Variants in PLXNC1 observed in about 807,000 individuals in gnomAD.
PLXNC1 encodes the protein plexin-C1.
In PLXNC1, 75 loss-of-function variants were observed where a neutral mutation model predicts 178.2. That is an observed-to-expected ratio of 0.42 (90% CI 0.35 to 0.51). The LOEUF (loss-of-function observed/expected upper bound fraction) is 0.51, where lower values mean the gene tolerates loss of function less well. Ranked by LOEUF, PLXNC1 falls within the 20% of genes least tolerant of loss-of-function variation. The pLI, the probability that PLXNC1 is intolerant of heterozygous loss-of-function variation, is 0.02. For missense variants in PLXNC1, 1,503 were observed against 1,984.4 expected (o/e 0.76, Z 4.61); for synonymous variants, 790 against 779.9 (o/e 1.01, Z -0.22).
At chr12:94,275,441 A>G (rs566451124) in intron 21 of PLXNC1, among the ~76,000 whole-genome samples, 2 of 152,304 alleles carry the variant, frequency 1.3e-5, no homozygotes, top group East Asian at 3.9e-4. Context: ...ACGCTGTCTG[A>G]CATGGCACAG....
At chr12:94,164,144 A>G (rs1961500819) in intron 1 of PLXNC1, among the ~76,000 whole-genome samples, 1 of 152,142 alleles carries the variant, frequency 6.6e-6, no homozygotes, top group Non-Finnish European at 1.5e-5. Flanking sequence ...CCTAATGGCA[A>G]GTGGGCCCCT....
intron 23 of PLXNC1, among the ~76,000 whole-genome samples, chr12:94,289,693 T>C (rs1967082022): frequency 6.6e-6 from 1 of 152,210 alleles, no homozygotes; most frequent in South Asian, 2.1e-4. Context: ...CAGCAGCAGC[T>C]GACTTGTGCT....
chr12:94,242,928 T>G (rs1231871608), intron 11 of PLXNC1, among the ~76,000 whole-genome samples: 1 of 152,224 alleles, frequency 6.6e-6, no homozygotes, highest in Admixed American at 6.5e-5. Context: ...AGCAGTATCC[T>G]GCTTTGCTAT....
At chr12:94,237,859 A>G in intron 10 of PLXNC1, 56 bp downstream of exon 10, 1 of 1,570,084 alleles carries the variant, frequency 6.4e-7, no homozygotes. Flanking sequence ...AACCTGTGCC[A>G]AAGGAATATC....
rs1236723869 is a variant in PLXNC1, at chr12:94,237,736, G to A, written c.2053G>A (p.Ala685Thr). 2 of 1,613,934 alleles carry A rather than the reference G, an allele frequency of 1.2e-6. No individual in the cohort carries two copies. The highest frequency in any genetic ancestry group is 8.5e-7 in the Non-Finnish European group (1 of 1,179,882). The stretch of plus-strand genomic sequence containing the variant: ...GAAAAGCAACGTGATAGTAACGGGA[G>A]CAAACTTTACCCGGGCATCGAACAT... ...LGKSNVIVTGANFTRASNITM... is the reference protein window; with the variant it reads ...LGKSNVIVTGTNFTRASNITM... The change falls in exon 10 of 31, where the codon GCA (alanine) becomes ACA (threonine). Residue 685 changes from alanine (A) to threonine (T), a missense_variant. This residue lies in a region of PLXNC1 where 615 missense variants were observed against 698.6 expected (regional missense o/e 0.88). Coordinates refer to ENST00000258526, the MANE Select transcript of PLXNC1 (RefSeq NM_005761.3).
intron 22 of PLXNC1, 159 bp downstream of exon 22, chr12:94,279,808 C>A: frequency 1.4e-6 from 1 of 730,158 alleles, no homozygotes; most frequent in Non-Finnish European, 2.5e-6. Context: ...GGCCAAGAGA[C>A]TGCTTTGGTC....
Position 94,244,137 on chromosome 12 carries a change from CT to C in PLXNC1, c.2388+116del, listed in dbSNP as rs1964466060. The C allele has an allele frequency of 5.4e-6, 3 of 553,982 alleles. No homozygotes were observed. The South Asian group carries it at 8.1e-5, about 15-fold the overall frequency. 34.3% of individuals were successfully genotyped at this position (553,982 alleles called of 1,614,324 possible). A position where few individuals can be genotyped will look rare whatever the true frequency, so the allele number is the denominator to read the frequency against. On this transcript the variant is annotated intron_variant, in intron 12 of 30. Coordinates refer to ENST00000258526, the MANE Select transcript of PLXNC1 (RefSeq NM_005761.3). ...GTTTCTGTGACTTTGGTGTTATAAA[CT>C]TTTACCTATGCTATCATATATTCTA... is the stretch of plus-strand genomic sequence containing the variant.
rs1426700119 is a variant in PLXNC1 at position 94,307,351 on chromosome 12, C to A, written c.*2066C>A. 1 of 152,208 alleles carries A rather than the reference C, an allele frequency of 6.6e-6. No individual in the cohort carries two copies. The highest frequency in any genetic ancestry group is 1.5e-5 in the Non-Finnish European group (1 of 68,034). The allele number at this position is 152,208 out of a possible 1,614,324, so 9.4% of individuals were successfully genotyped here. On this transcript the variant is annotated 3_prime_UTR_variant, in exon 31 of 31. Transcript: ENST00000258526. ...GCACTATCTAGATCACATTTTGGAT[C>A]ACATTAGCCAAATGCAGTAAATGGC... is the stretch of plus-strand genomic sequence containing the variant.
At chr12:94,228,193 G>A (rs995248890) in intron 9 of PLXNC1, among the ~76,000 whole-genome samples, 5 of 152,320 alleles carry the variant, frequency 3.3e-5, no homozygotes, top group South Asian at 2.1e-4. Context: ...TGGATATGAA[G>A]TTAATTAAAG....
Position 94,240,680 on chromosome 12 carries a change from A to G in PLXNC1, c.2300+16A>G, listed in dbSNP as rs1433663339. 3 of 1,586,562 alleles carry G rather than the reference A, an allele frequency of 1.9e-6. No homozygotes were observed. The Admixed American group carries it at 5.2e-5, about 27-fold the overall frequency. ...CCTGGATCAGGTACTTTCTAGATTC[A>G]TAATCTTTTTCTCATTGTGGTTAAA... On this transcript the variant is annotated intron_variant, in intron 11 of 30. Transcript: ENST00000258526.
chr12:94,173,862 G>A lies in PLXNC1; in HGVS notation c.1203+4569G>A, dbSNP rs181486587. ...GATGGCTTCCTGGCAACCCAGCTGA[G>A]TGCAGAGCCCGCTCCTCTCTGAGCT... is the stretch of plus-strand genomic sequence containing the variant. On this transcript the variant is annotated intron_variant, in intron 2 of 30. Coordinates refer to ENST00000258526, the MANE Select transcript of PLXNC1 (RefSeq NM_005761.3). Among the ~76,000 whole-genome samples, 232 of 152,310 alleles carry A rather than the reference G, an allele frequency of 1.5e-3. 2 individuals carry two copies. The highest frequency in any genetic ancestry group is 5.2e-3 in the African/African-American group (216 of 41,550).
Position 94,232,308 on chromosome 12 carries a change from C to T in PLXNC1, c.1980+5073C>T, listed in dbSNP as rs574690732. 1.8e-4 allele frequency among the ~76,000 whole-genome samples: 27 copies of T among 152,276 alleles called. No homozygotes were observed. In the South Asian group the frequency reaches 5.2e-3, roughly 29 times the overall value. ...TTCACCATGTTGGCCAGGATGGTCT[C>T]GAACTCCTGACCTCAAGTGATCTGC... On this transcript the variant is annotated intron_variant, in intron 9 of 30. Transcript: ENST00000258526.
At chr12:94,249,044 ATTC>A (rs1283855568) in intron 14 of PLXNC1, among the ~76,000 whole-genome samples, 1 of 152,130 alleles carries the variant, frequency 6.6e-6, no homozygotes, top group Non-Finnish European at 1.5e-5. Flanking sequence ...GCCTATATAA[ATTC>A]TTCTTGATCT....
At chr12:94,227,397 C>A in intron 9 of PLXNC1, 162 bp downstream of exon 9, 2 of 541,712 alleles carry the variant, frequency 3.7e-6, no homozygotes, top group Non-Finnish European at 6.7e-6. Context: ...ACTTAATTAG[C>A]GCAATACATC....
intron 5 of PLXNC1, among the ~76,000 whole-genome samples, chr12:94,217,325 A>G (rs1863758743): frequency 6.6e-6 from 1 of 151,926 alleles, no homozygotes. Flanking sequence ...GTCTCTAAAT[A>G]TTGGAGCCAT....
At chr12:94,182,572 A>G (rs1282460463) in intron 3 of PLXNC1, among the ~76,000 whole-genome samples, 1 of 151,704 alleles carries the variant, frequency 6.6e-6, no homozygotes, top group Non-Finnish European at 1.5e-5. Context: ...AAAAATACAA[A>G]CAATTAGCTG....
intron 11 of PLXNC1, among the ~76,000 whole-genome samples, chr12:94,241,627 G>T (rs1243694808): frequency 2.0e-5 from 3 of 152,090 alleles, no homozygotes; most frequent in Non-Finnish European, 2.9e-5. Context: ...GTCTTTCTGT[G>T]CCTGGCTTAT....
intron 5 of PLXNC1, among the ~76,000 whole-genome samples, chr12:94,218,188 G>T (rs1256004173): frequency 6.6e-6 from 1 of 152,192 alleles, no homozygotes; most frequent in East Asian, 1.9e-4. Context: ...AATGGTTTGG[G>T]ATCTTTCACT....
intron 9 of PLXNC1, among the ~76,000 whole-genome samples, chr12:94,227,810 G>A (rs1389306152): frequency 1.3e-5 from 2 of 152,090 alleles, no homozygotes; most frequent in East Asian, 1.9e-4. Flanking sequence ...AAGCCCCCAC[G>A]TCAGTCATGT....
Sources: gnomAD v4.1 joint callset for allele counts (sites outside exome capture counted in the v4.1 genomes callset) on GRCh38, gnomAD v4.1.1 for gene constraint, gnomAD v4.1.1 regional missense constraint, MANE v1.5 for transcripts, NCBI Gene and HGNC (gene_info 2026-07-23, HGNC 2026-07-21) for gene names.